Variants in NEDD4L observed in about 807,000 individuals in gnomAD.
NEDD4L encodes E3 ubiquitin-protein ligase NEDD4-like.
A neutral mutation model predicts 148.9 loss-of-function variants in NEDD4L; 54 were observed. That is an observed-to-expected ratio of 0.36 (90% CI 0.29 to 0.45). NEDD4L has a LOEUF of 0.45. NEDD4L is among the 20% of genes least tolerant of loss of function. The pLI is 1.00. For missense variants in NEDD4L, 856 were observed against 1,233.8 expected, an observed-to-expected ratio of 0.69 and a Z score of 4.59; for synonymous variants, 433 against 440.7, an observed-to-expected ratio of 0.98 and a Z score of 0.22.
At chr18:58,370,857 A>G (rs2046771816) in intron 23 of NEDD4L, among the ~76,000 whole-genome samples, 1 of 152,340 alleles carries the variant, frequency 6.6e-6, no homozygotes, top group South Asian at 2.1e-4. Context: ...AAAATGGCAG[A>G]GGCAAAGGTC....
chr18:58,076,690 G>C (rs2083177332), intron 1 of NEDD4L, among the ~76,000 whole-genome samples: 1 of 152,074 alleles, frequency 6.6e-6, no homozygotes, highest in African/African-American at 2.4e-5. Context: ...TCCTGTTTCA[G>C]TGGTTTTCAG....
chr18:58,262,905 C>T (rs557861070), intron 5 of NEDD4L, among the ~76,000 whole-genome samples: 1 of 152,280 alleles, frequency 6.6e-6, no homozygotes, highest in African/African-American at 2.4e-5. Flanking sequence ...CATGTTTTGA[C>T]AGGAAGCTTA....
At position 58,333,188 on chromosome 18, in the gene NEDD4L, G is replaced by T. The variant is rs150311323; in HGVS notation, c.991-630G>T. Among the ~76,000 whole-genome samples, 152 of 150,748 alleles carry T rather than the reference G, an allele frequency of 1.0e-3. 1 individual carries two copies. The highest frequency in any genetic ancestry group is 3.6e-3 in the African/African-American group (146 of 40,980). ...AGCTACTCAGGAGGCTGAGACAGGA[G>T]AATCACTGGAACCTGGGAGGCAGAG... On this transcript the variant is annotated intron_variant, in intron 11 of 30. Coordinates refer to ENST00000400345, the MANE Select transcript of NEDD4L (RefSeq NM_001144967.3).
chr18:58,134,240 A>G (rs2032540731), intron 1 of NEDD4L, among the ~76,000 whole-genome samples: 1 of 151,960 alleles, frequency 6.6e-6, no homozygotes, highest in African/African-American at 2.4e-5. Context: ...GCCTCAGGTG[A>G]TCCATCCGCC....
intron 5 of NEDD4L, among the ~76,000 whole-genome samples, chr18:58,290,725 G>GTT (rs879510265): frequency 6.8e-6 from 1 of 146,190 alleles, no homozygotes; most frequent in African/African-American, 2.5e-5. Context: ...TTTTAGTCAA[G>GTT]TTTTTTTTTT....
intron 5 of NEDD4L, among the ~76,000 whole-genome samples, chr18:58,281,843 G>A (rs2053162092): frequency 6.6e-6 from 1 of 151,894 alleles, no homozygotes; most frequent in Non-Finnish European, 1.5e-5. Context: ...GGCTAACATT[G>A]TGGAAGCCCA....
At chr18:58,365,877 C>T (rs2046054388) in intron 20 of NEDD4L, 122 bp from the exon 21 acceptor site, 1 of 649,682 alleles carries the variant, frequency 1.5e-6, no homozygotes, top group South Asian at 2.1e-5. Context: ...CAGTTGGAAC[C>T]ATTTGTCACT....
rs2048900666 is a variant in NEDD4L at position 58,385,562 on chromosome 18, G to A, written c.2463G>A (p.Gln821=). The A allele has an allele frequency of 6.2e-7, 1 of 1,613,824 alleles. No homozygotes were observed. The highest frequency in any genetic ancestry group is 1.7e-5 in the Admixed American group (1 of 60,014). ...AGTGGAGATTTGTGAACAGGGTCCA[G>A]AAGCAGATGAACGCCTTCTTGGAGG... ...VIQWRFVNRV[Q]KQMNAFLEGF... Residue 821 remains glutamine (Q), a synonymous_variant, in exon 26 of 31, where the codon CAG becomes CAA. Coordinates refer to ENST00000400345, the MANE Select transcript of NEDD4L (RefSeq NM_001144967.3).
intron 1 of NEDD4L, among the ~76,000 whole-genome samples, chr18:58,100,101 G>A (rs1259954091): frequency 4.6e-5 from 7 of 152,142 alleles, no homozygotes; most frequent in African/African-American, 1.7e-4. Flanking sequence ...CTGGGATGAT[G>A]CATCCTCGGG....
chr18:58,203,752 G>T (rs2041684960), intron 2 of NEDD4L, among the ~76,000 whole-genome samples: 1 of 148,874 alleles, frequency 6.7e-6, no homozygotes, highest in Non-Finnish European at 1.5e-5. Flanking sequence ...TTTGGTAGTT[G>T]ATCTCTCAGA....
chr18:58,317,788 C>T (rs926145700), intron 6 of NEDD4L, among the ~76,000 whole-genome samples: 3 of 152,138 alleles, frequency 2.0e-5, no homozygotes, highest in African/African-American at 2.4e-5. Context: ...AGGGTAGAGC[C>T]GTGAACGCCC....
At chr18:58,220,883 A>G (rs575820263) in intron 2 of NEDD4L, among the ~76,000 whole-genome samples, 70 of 152,242 alleles carry the variant, frequency 4.6e-4, no homozygotes, top group African/African-American at 1.5e-3. Flanking sequence ...CTACCCCTCA[A>G]ACGAGGACAT....
At chr18:58,159,439 T>A (rs564668733) in intron 1 of NEDD4L, among the ~76,000 whole-genome samples, 155 of 152,270 alleles carry the variant, frequency 1.0e-3, no homozygotes, top group Admixed American at 2.4e-3. Context: ...GATACTACTC[T>A]GGAGCAGGAT....
intron 5 of NEDD4L, among the ~76,000 whole-genome samples, chr18:58,296,617 T>A (rs1306358876): frequency 6.6e-6 from 1 of 152,146 alleles, no homozygotes; most frequent in Non-Finnish European, 1.5e-5. Flanking sequence ...TCCTTCTGCA[T>A]CTCTCTTACA....
chr18:58,122,652 T>C (rs2030163279), intron 1 of NEDD4L, among the ~76,000 whole-genome samples: 1 of 152,254 alleles, frequency 6.6e-6, no homozygotes, highest in South Asian at 2.1e-4. Flanking sequence ...ATGAGGCTGC[T>C]ATACCTGGCT....
At chr18:58,207,133 A>T (rs2042058987) in intron 2 of NEDD4L, among the ~76,000 whole-genome samples, 3 of 152,232 alleles carry the variant, frequency 2.0e-5, no homozygotes. Flanking sequence ...AAAGTGCTTG[A>T]AAAAGATACA....
intron 5 of NEDD4L, among the ~76,000 whole-genome samples, chr18:58,310,292 T>G (rs1352738815): frequency 6.6e-6 from 1 of 152,208 alleles, no homozygotes; most frequent in East Asian, 1.9e-4. Context: ...CACCTTACTG[T>G]GTATAACTGA....
chr18:58,089,678 G>A (rs2083956019), intron 1 of NEDD4L, among the ~76,000 whole-genome samples: 1 of 152,158 alleles, frequency 6.6e-6, no homozygotes. Context: ...AGCTAGGGCT[G>A]TGGCTTAAAC....
intron 1 of NEDD4L, chr18:58,045,297 C>G (rs759583188): frequency 5.0e-6 from 2 of 396,456 alleles, no homozygotes; most frequent in Non-Finnish European, 4.4e-6. Context: ...ATTTCGGAGC[C>G]TCGGTGGGGG....
Sources: allele counts gnomAD v4.1 joint callset (sites outside exome capture counted in the v4.1 genomes callset), GRCh38; gene constraint gnomAD v4.1.1; transcripts MANE v1.5; gene names NCBI Gene and HGNC (gene_info 2026-07-23, HGNC 2026-07-21).